NCALD: variants seen among roughly 807,000 people sequenced by gnomAD.
NCALD encodes the protein neurocalcin delta.
Under a neutral mutation model 18.6 loss-of-function variants are expected in NCALD, and 10 were observed. That is an observed-to-expected ratio of 0.54 (90% CI 0.33 to 0.91). The LOEUF is 0.91. Ranked by LOEUF, NCALD falls within the 40% of genes least tolerant of loss-of-function variation. The pLI, the probability that NCALD is intolerant of heterozygous loss-of-function variation, is 0.03. For missense variants in NCALD, 184 were observed against 247.6 expected (o/e 0.74, Z 1.72); for synonymous variants, 88 against 87.4 (o/e 1.01, Z -0.04).
rs534828735 is a variant in NCALD, at chr8:102,094,225, T to C, written c.-210+30012A>G. Reference sequence around the variant, plus strand: ...CTTCTAAATTCTATTAAGAATACTATGAAATTTGCAACTTTATTTACATGA... The same window carrying C: ...CTTCTAAATTCTATTAAGAATACTACGAAATTTGCAACTTTATTTACATGA... On this transcript the variant is annotated intron_variant, in intron 1 of 6. Transcript: ENST00000311028. 5.9e-5 allele frequency among the ~76,000 whole-genome samples: 9 copies of C among 152,328 alleles called. No homozygotes were observed. The South Asian group carries it at 1.9e-3, about 32-fold the overall frequency.
chr8:101,725,189 T>C (rs1816519460), intron 1 of NCALD, among the ~76,000 whole-genome samples: 2 of 152,224 alleles, frequency 1.3e-5, no homozygotes, highest in African/African-American at 4.8e-5. Context: ...GTTACATTTT[T>C]GGCCTGCACT....
At chr8:102,000,064 C>A (rs145835889) in intron 2 of NCALD, among the ~76,000 whole-genome samples, 2 of 152,164 alleles carry the variant, frequency 1.3e-5, no homozygotes, top group Non-Finnish European at 2.9e-5. Context: ...GCGCACCGAG[C>A]GTGAGCCGAA....
chr8:101,860,757 G>A (rs914512842), intron 4 of NCALD, among the ~76,000 whole-genome samples: 14 of 152,108 alleles, frequency 9.2e-5, no homozygotes, highest in African/African-American at 3.4e-4. Context: ...TGCGGAATGG[G>A]GGAATGAGAG....
At chr8:102,073,918 T>C in intron 1 of NCALD, among the ~76,000 whole-genome samples, 1 of 152,244 alleles carries the variant, frequency 6.6e-6, no homozygotes, top group East Asian at 1.9e-4. Flanking sequence ...TTGCACTAGA[T>C]GTTTTTGGAA....
At chr8:102,081,510 T>C (rs1313983808) in intron 1 of NCALD, among the ~76,000 whole-genome samples, 2 of 141,368 alleles carry the variant, frequency 1.4e-5, no homozygotes, top group African/African-American at 2.6e-5. Context: ...TTTACGCCTA[T>C]TTCTGATTTA....
At position 101,773,933 on chromosome 8, in the gene NCALD, G is replaced by A. The variant is rs968531769; in HGVS notation, c.-20+16929C>T. Among the ~76,000 whole-genome samples the A allele has an allele frequency of 3.3e-5, 5 of 152,106 alleles. No individual in the cohort carries two copies. In the East Asian group the frequency reaches 9.6e-4, roughly 29 times the overall value. ...ACTTTGTTTTCTCATTTATTAAAGA[G>A]GACTAATGTTAACATACCTTAAACG... On this transcript the variant is annotated intron_variant, in intron 1 of 3. Coordinates refer to ENST00000220931, the MANE Select transcript of NCALD (RefSeq NM_032041.3).
At chr8:101,908,867 C>T (rs1281797120) in intron 3 of NCALD, among the ~76,000 whole-genome samples, 1 of 152,146 alleles carries the variant, frequency 6.6e-6, no homozygotes, top group Admixed American at 6.5e-5. Context: ...TAGGCTCCTG[C>T]ACTAGGCCCC....
At chr8:101,966,463 C>T (rs897903464) in intron 2 of NCALD, among the ~76,000 whole-genome samples, 26 of 135,236 alleles carry the variant, frequency 1.9e-4, no homozygotes, top group Non-Finnish European at 3.1e-4. Flanking sequence ...AGGGGAACAT[C>T]ACACACTGGG....
chr8:101,689,158 A>G lies in NCALD; in HGVS notation c.*151T>C. 1 of 746,900 alleles carries G rather than the reference A, an allele frequency of 1.3e-6. No individual in the cohort carries two copies. The highest frequency in any genetic ancestry group is 2.4e-6 in the Non-Finnish European group (1 of 422,414). The allele number at this position is 746,900 out of a possible 1,614,324, so 46.3% of individuals were successfully genotyped here. A position where few individuals can be genotyped will look rare whatever the true frequency, so the allele number is the denominator to read the frequency against. ...CCCACGAAGCATCCACGACAAAAGA[A>G]GCTGAAGGCGTCACGGAGGAAGGCG... On this transcript the variant is annotated 3_prime_UTR_variant, in exon 4 of 4. Transcript: ENST00000220931. This position sits in a 1 kb window ranked among gnomAD's most constrained non-coding sequence, Gnocchi z 4.4.
At chr8:101,780,115 C>T (rs2130947811) in intron 1 of NCALD, 1 of 152,114 alleles carries the variant, frequency 6.6e-6, no homozygotes, top group African/African-American at 2.4e-5. Context: ...AAATGTCCAA[C>T]CATAAACATA....
At position 102,088,917 on chromosome 8, in the gene NCALD, A is replaced by G. The variant is rs532824798; in HGVS notation, c.-210+35320T>C. Among the ~76,000 whole-genome samples the G allele has an allele frequency of 6.6e-5, 10 of 152,346 alleles. No homozygotes were observed. The South Asian group carries it at 1.9e-3, about 28-fold the overall frequency. On this transcript the variant is annotated intron_variant, in intron 1 of 6. Transcript: ENST00000311028. ...CAGTTCTGGTGTGTAATAACTAGGTAGGAAATGTCCTTTTGGGGATGGGCT... is the reference window on the plus strand; with the variant it reads ...CAGTTCTGGTGTGTAATAACTAGGTGGGAAATGTCCTTTTGGGGATGGGCT...
intron 4 of NCALD, among the ~76,000 whole-genome samples, chr8:101,818,164 C>T (rs1813574248): frequency 6.6e-6 from 1 of 152,104 alleles, no homozygotes; most frequent in Non-Finnish European, 1.5e-5. Flanking sequence ...AAAAATAAAA[C>T]TTCCATCCAT....
chr8:102,033,658 C>T lies in NCALD; in HGVS notation c.-209-13369G>A, dbSNP rs550274580. 5.3e-4 allele frequency among the ~76,000 whole-genome samples: 81 copies of T among 152,274 alleles called. 1 individual carries two copies. The highest frequency in any genetic ancestry group is 1.8e-3 in the African/African-American group (75 of 41,556). Reference sequence around the variant, plus strand: ...AACAAAAATTGTTCTACTGCACTAACTGGGGTCCCAATTACTAAGCTAAAA... The same window carrying T: ...AACAAAAATTGTTCTACTGCACTAATTGGGGTCCCAATTACTAAGCTAAAA... On this transcript the variant is annotated intron_variant, in intron 1 of 6. Coordinates refer to the NCALD transcript ENST00000311028.
intron 1 of NCALD, among the ~76,000 whole-genome samples, chr8:102,120,171 G>A (rs936656178): frequency 6.6e-6 from 1 of 152,170 alleles, no homozygotes; most frequent in African/African-American, 2.4e-5. Flanking sequence ...TATCTATGAA[G>A]AGGGAATGCT....
chr8:101,755,265 C>A (rs951278245), intron 1 of NCALD, among the ~76,000 whole-genome samples: 3 of 152,216 alleles, frequency 2.0e-5, no homozygotes, highest in African/African-American at 7.2e-5. Context: ...TCAACAGTCC[C>A]AGTTGATACC....
intron 1 of NCALD, among the ~76,000 whole-genome samples, chr8:101,721,788 G>A (rs891658308): frequency 6.6e-6 from 1 of 151,966 alleles, no homozygotes; most frequent in South Asian, 2.1e-4. Context: ...TGGGAGTATG[G>A]GGCACTTCAC....
Position 101,708,421 on chromosome 8 carries a change from G to A in NCALD, c.378+10831C>T, listed in dbSNP as rs1035275400. 7.2e-5 allele frequency among the ~76,000 whole-genome samples: 11 copies of A among 152,164 alleles called. 1 individual carries two copies. The highest frequency in any genetic ancestry group is 2.7e-4 in the African/African-American group (11 of 41,450). ...AAACATGTTATAACAAAATTTAACT[G>A]AAAGCTTAATGGAAGATTCTATCCA... On this transcript the variant is annotated intron_variant, in intron 2 of 3. Coordinates refer to ENST00000220931, the MANE Select transcript of NCALD (RefSeq NM_032041.3).
At chr8:101,711,155 G>A (rs2130317400) in intron 2 of NCALD, among the ~76,000 whole-genome samples, 1 of 152,284 alleles carries the variant, frequency 6.6e-6, no homozygotes, top group South Asian at 2.1e-4. Flanking sequence ...GCAAACTCCA[G>A]CAGACCTGCA....
At chr8:101,969,696 T>C (rs1820164805) in intron 2 of NCALD, among the ~76,000 whole-genome samples, 1 of 152,212 alleles carries the variant, frequency 6.6e-6, no homozygotes, top group Admixed American at 6.5e-5. Context: ...TCTTGGTAAC[T>C]ACTACCAGAT....
Sources: gnomAD v4.1 joint callset for allele counts (sites outside exome capture counted in the v4.1 genomes callset) on GRCh38, gnomAD v4.1.1 for gene constraint, Gnocchi (gnomAD v3.1) non-coding constraint, MANE v1.5 for transcripts, NCBI Gene and HGNC (gene_info 2026-07-23, HGNC 2026-07-21) for gene names.